The following GDE1 variants were observed in gnomAD, a reference collection of about 807,000 sequenced individuals.
GDE1 encodes RGS16-interacting membrane protein.
Under a neutral mutation model 32.2 loss-of-function variants are expected in GDE1, and 24 were observed. That is an observed-to-expected ratio of 0.75 (90% confidence interval 0.54 to 1.05). The LOEUF is 1.05. Ranked by LOEUF, GDE1 falls within the 50% of genes least tolerant of loss-of-function variation. GDE1 has a pLI of 0.00. For missense variants in GDE1, 380 were observed against 415.0 expected, an observed-to-expected ratio of 0.92 and a Z score of 0.73; for synonymous variants, 159 against 158.6, an observed-to-expected ratio of 1.00 and a Z score of -0.02.
chr16:19,508,652 C>CA (rs1161273154), intron 3 of GDE1, among the ~76,000 whole-genome samples: 1 of 152,022 alleles, frequency 6.6e-6, no homozygotes, highest in Non-Finnish European at 1.5e-5. Context: ...TCTGTTTGAA[C>CA]AAAGACATGC....
chr16:19,504,569 C>T, intron 5 of GDE1: 1 of 263,706 alleles, frequency 3.8e-6, no homozygotes, highest in Non-Finnish European at 7.3e-6. Context: ...TGGTTCTGCC[C>T]AGGATCCTGT....
chr16:19,502,760 TTCTAATTGCC>T lies in GDE1; in HGVS notation c.*700_*709del, dbSNP rs1490708726. Reference sequence around the variant, plus strand: ...AGATATTTTTGGAAGTTTCTTCCAGTTCTAATTGCCTATGATCAGATCACATCTGTTGCAG... The same window carrying T: ...AGATATTTTTGGAAGTTTCTTCCAGTTATGATCAGATCACATCTGTTGCAG... On this transcript the variant is annotated 3_prime_UTR_variant, in exon 6 of 6. Coordinates refer to ENST00000353258, the MANE Select transcript of GDE1 (RefSeq NM_016641.4). 6.6e-6 allele frequency: 1 copy of T among 152,214 alleles called. No individual in the cohort carries two copies. The highest frequency in any genetic ancestry group is 1.5e-5 in the Non-Finnish European group (1 of 68,036). The allele number at this position is 152,214 out of a possible 1,614,324, so 9.4% of individuals were successfully genotyped here.
In GDE1 at chr16:19,522,050, A is replaced by G; in HGVS notation, c.-86T>C. On this transcript the variant is annotated 5_prime_UTR_variant, in exon 1 of 6. Coordinates refer to ENST00000353258, the MANE Select transcript of GDE1 (RefSeq NM_016641.4). ...AACGAGAAGCGAGGGGGAGGGTCCA[A>G]GGCACCGGCAGCAGCAGGAACCCTC... is the stretch of plus-strand genomic sequence containing the variant. The G allele has an allele frequency of 2.2e-6, 3 of 1,370,004 alleles. No individual in the cohort carries two copies. The highest frequency in any genetic ancestry group is 2.9e-6 in the Non-Finnish European group (3 of 1,028,358). The allele number at this position is 1,370,004 out of a possible 1,614,324, so 84.9% of individuals were successfully genotyped here.
chr16:19,512,520 T>C (rs1035864629), intron 2 of GDE1, among the ~76,000 whole-genome samples: 4 of 152,268 alleles, frequency 2.6e-5, no homozygotes, highest in Admixed American at 2.6e-4. Context: ...GTTTTCTTTT[T>C]ACTCTGTTGA....
Position 19,503,253 on chromosome 16 carries a change from A to G in GDE1, c.*217T>C. The G allele has an allele frequency of 1.9e-6, 1 of 536,514 alleles. No individual in the cohort carries two copies. Among genetic ancestry groups the G allele is most frequent in the South Asian group, 2.7e-5 (1 of 37,036 alleles). The allele number at this position is 536,514 out of a possible 1,614,324, so 33.2% of individuals were successfully genotyped here. On this transcript the variant is annotated 3_prime_UTR_variant, in exon 6 of 6. Coordinates refer to ENST00000353258, the MANE Select transcript of GDE1 (RefSeq NM_016641.4). The stretch of plus-strand genomic sequence containing the variant: ...GGCTCTTGTGCGTTTTTTCAGACCC[A>G]GATTTTCAAGAGCAACAGTGTTGAA...
chr16:19,509,911 AAAGTGCT>A (rs1969295653), intron 3 of GDE1, among the ~76,000 whole-genome samples: 1 of 151,952 alleles, frequency 6.6e-6, no homozygotes, highest in South Asian at 2.1e-4. Flanking sequence ...ATCCACTCCC[AAAGTGCT>A]GGGATTACAG....
chr16:19,514,507 T>G (rs12926048), intron 2 of GDE1, among the ~76,000 whole-genome samples: 19,412 of 152,216 alleles, frequency 0.13, 1,385 homozygotes, highest in Admixed American at 0.18. Context: ...CTCAAAGACT[T>G]AATTTTCAGA....
At chr16:19,506,649 C>T (rs1969251003) in intron 4 of GDE1, among the ~76,000 whole-genome samples, 1 of 151,040 alleles carries the variant, frequency 6.6e-6, no homozygotes, top group Non-Finnish European at 1.5e-5. Context: ...CAAAAACAAA[C>T]AAAAAAAGAT....
At chr16:19,519,793 G>T (rs1969426686) in intron 1 of GDE1, among the ~76,000 whole-genome samples, 1 of 152,120 alleles carries the variant, frequency 6.6e-6, no homozygotes, top group African/African-American at 2.4e-5. Flanking sequence ...GATCACTTGA[G>T]GTCAGGAGTT....
At chr16:19,509,907 TCCC>T (rs1969295523) in intron 3 of GDE1, among the ~76,000 whole-genome samples, 1 of 151,872 alleles carries the variant, frequency 6.6e-6, no homozygotes, top group South Asian at 2.1e-4. Flanking sequence ...GGTGATCCAC[TCCC>T]AAAGTGCTGG....
intron 2 of GDE1, 87 bp from the exon 3 acceptor site, chr16:19,511,031 C>A: frequency 1.6e-6 from 1 of 635,478 alleles, no homozygotes; most frequent in Non-Finnish European, 2.8e-6. Flanking sequence ...GTCTCTCAAT[C>A]AAAAGGAAAG....
chr16:19,516,805 G>A (rs1397498010), intron 2 of GDE1, among the ~76,000 whole-genome samples: 1 of 152,162 alleles, frequency 6.6e-6, no homozygotes, highest in African/African-American at 2.4e-5. Flanking sequence ...CAATAATTCT[G>A]AAGCCAAATT....
rs572207360 is a variant in GDE1, at chr16:19,512,600, C to G, written c.438-1656G>C. Among the ~76,000 whole-genome samples the G allele has an allele frequency of 3.3e-5, 5 of 152,186 alleles. No homozygotes were observed. The South Asian group carries it at 8.3e-4, about 25-fold the overall frequency. On this transcript the variant is annotated intron_variant, in intron 2 of 5. Coordinates refer to ENST00000353258, the MANE Select transcript of GDE1 (RefSeq NM_016641.4). ...CATTTGCCTGTTTTTGTTGCCTGTG[C>G]TTTTGAGGTCTTAGCCATAAAATCT... is the stretch of plus-strand genomic sequence containing the variant.
At position 19,502,985 on chromosome 16, in the gene GDE1, C is replaced by T. The variant is rs573647601; in HGVS notation, c.*485G>A. The T allele has an allele frequency of 1.3e-5, 2 of 153,610 alleles. No individual in the cohort carries two copies. Among genetic ancestry groups the T allele is most frequent in the East Asian group, 3.8e-4 (2 of 5,226 alleles). 9.5% of individuals were successfully genotyped at this position (153,610 alleles called of 1,614,324 possible). On this transcript the variant is annotated 3_prime_UTR_variant, in exon 6 of 6. Coordinates refer to ENST00000353258, the MANE Select transcript of GDE1 (RefSeq NM_016641.4). ...ATGCCTTAGGATATGATGCTTGGCA[C>T]ACAGTTTTCCTTTAGTGCTCCTTTT...
In GDE1 at chr16:19,504,873, C is replaced by A; in HGVS notation, c.848+8G>T. The stretch of plus-strand genomic sequence containing the variant: ...TGTCTGGGTAAAATAAAAAACCTTC[C>A]AACTTACGGGGATACAAAATCCTTT... On this transcript the variant is annotated splice_region_variant and intron_variant, in intron 5 of 5. Transcript: ENST00000353258. 6.3e-7 allele frequency: 1 copy of A among 1,580,596 alleles called. No homozygotes were observed. Among genetic ancestry groups the A allele is most frequent in the South Asian group, 1.1e-5 (1 of 89,128 alleles).
chr16:19,521,668 C>A, intron 1 of GDE1, 36 bp downstream of exon 1: 1 of 1,601,886 alleles, frequency 6.2e-7, no homozygotes, highest in Non-Finnish European at 8.5e-7. Flanking sequence ...TCCGAGCTCT[C>A]GGGAGGACCG....
rs530346610 is a variant in GDE1, at chr16:19,508,316, C to T, written c.544-537G>A. 3.9e-5 allele frequency among the ~76,000 whole-genome samples: 6 copies of T among 152,230 alleles called. No homozygotes were observed. The South Asian group carries it at 1.2e-3, about 32-fold the overall frequency. On this transcript the variant is annotated intron_variant, in intron 3 of 5. Transcript: ENST00000353258. Reference sequence around the variant, plus strand: ...AGAGTTAAGGGGCTCCCAATTCTTCCCAAGGTGAACAGAAGTTTCTTTTTA... The same window carrying T: ...AGAGTTAAGGGGCTCCCAATTCTTCTCAAGGTGAACAGAAGTTTCTTTTTA...
At chr16:19,520,476 T>C (rs1969436608) in intron 1 of GDE1, among the ~76,000 whole-genome samples, 1 of 151,086 alleles carries the variant, frequency 6.6e-6, no homozygotes, top group Admixed American at 6.6e-5. Flanking sequence ...GTAATCCTAG[T>C]ACCTTGGGAG....
intron 2 of GDE1, among the ~76,000 whole-genome samples, chr16:19,512,165 G>A (rs555631562): frequency 9.9e-5 from 15 of 152,168 alleles, no homozygotes; most frequent in African/African-American, 3.4e-4. Flanking sequence ...CATAATGGCT[G>A]TACTAATTTA....
Sources: gnomAD v4.1 joint callset for allele counts (sites outside exome capture counted in the v4.1 genomes callset) on GRCh38, gnomAD v4.1.1 for gene constraint, MANE v1.5 for transcripts, NCBI Gene and HGNC (gene_info 2026-07-23, HGNC 2026-07-21) for gene names.